Variants in PHF21A observed in about 807,000 individuals in gnomAD.
PHF21A encodes the protein BHC80a.
A neutral mutation model predicts 82.5 loss-of-function variants in PHF21A; 11 were observed. That is an observed-to-expected ratio of 0.13 (90% CI 0.08 to 0.22). The LOEUF is 0.22. PHF21A is among the 10% of genes least tolerant of loss of function. The probability of loss-of-function intolerance (pLI) is 1.00; values close to 1 mark genes in which losing one functional copy is unlikely to be tolerated. For missense variants in PHF21A, 579 were observed against 837.8 expected, an observed-to-expected ratio of 0.69 and a Z score of 3.81; for synonymous variants, 297 against 302.8, an observed-to-expected ratio of 0.98 and a Z score of 0.20.
rs1043672586 is a variant in PHF21A at position 46,026,742 on chromosome 11, C to T, written c.154-46776G>A. 6.6e-5 allele frequency: 10 copies of T among 152,130 alleles called. No individual in the cohort carries two copies. In the South Asian group the frequency reaches 8.3e-4, roughly 13 times the overall value. The allele number at this position is 152,130 out of a possible 1,614,324, so 9.4% of individuals were successfully genotyped here. ...ACCTGAGACACGTTGGCTTGGCAAT[C>T]GTTATTGTCTAACGTGCACAGATAG... is the stretch of plus-strand genomic sequence containing the variant. On this transcript the variant is annotated intron_variant, in intron 6 of 18. Transcript: ENST00000676320.
chr11:45,965,705 T>C (rs1182010549), intron 9 of PHF21A, 97 bp from the exon 10 acceptor site: 3 of 905,404 alleles, frequency 3.3e-6, no homozygotes, highest in African/African-American at 3.4e-5. Flanking sequence ...TGGTGTTTAA[T>C]ACACTTATTA....
intron 4 of PHF21A, 23 bp from the exon 5 acceptor site, chr11:46,079,189 A>G (rs775144882): frequency 1.3e-6 from 2 of 1,590,052 alleles, no homozygotes; most frequent in South Asian, 1.1e-5. Flanking sequence ...AGAGAAAAAG[A>G]GCCATCAGTC....
chr11:46,039,042 G>C (rs1472166642), intron 6 of PHF21A, among the ~76,000 whole-genome samples: 3 of 152,156 alleles, frequency 2.0e-5, no homozygotes, highest in Admixed American at 6.5e-5. Context: ...AAAATTACTG[G>C]AGCAGAGTGA....
At chr11:46,080,192 T>C (rs1224041669) in intron 4 of PHF21A, among the ~76,000 whole-genome samples, 3 of 152,160 alleles carry the variant, frequency 2.0e-5, no homozygotes, top group Non-Finnish European at 2.9e-5. Flanking sequence ...AGGGTCTTGC[T>C]CTGTCACCTA....
intron 12 of PHF21A, among the ~76,000 whole-genome samples, 188 bp from the exon 13 acceptor site, chr11:45,949,669 G>T (rs1186671921): frequency 2.0e-5 from 3 of 152,256 alleles, no homozygotes; most frequent in African/African-American, 7.2e-5. Flanking sequence ...ACTCTCACCT[G>T]CAAGACCACG....
chr11:45,953,187 C>CACAG (rs2092324668), intron 11 of PHF21A, among the ~76,000 whole-genome samples: 1 of 152,146 alleles, frequency 6.6e-6, no homozygotes, highest in Non-Finnish European at 1.5e-5. Context: ...ACAAACAGAA[C>CACAG]ACAGTAATGA....
Position 45,979,892 on chromosome 11 carries a change from T to C in PHF21A, c.228A>G (p.Pro76=). 2 of 1,614,222 alleles carry C rather than the reference T, an allele frequency of 1.2e-6. No homozygotes were observed. The highest frequency in any genetic ancestry group is 1.1e-5 in the South Asian group (1 of 91,084). ...GTAGTTTGTTTTCAGATTGTGGCAA[T>C]GGCTGTATTTGGAACTTGTCCGGTT... ...QEQPDKFQIQ[P]LPQSENKLQT... The change falls in exon 7 of 19, where the codon CCA becomes CCG. Residue 76 remains proline, a synonymous_variant. Coordinates refer to ENST00000676320, the MANE Select transcript of PHF21A (RefSeq NM_001352027.3).
rs201583561 is a variant in PHF21A at position 46,034,286 on chromosome 11, TTA to T, written c.153+42466_153+42467del. Among the ~76,000 whole-genome samples, 261 of 151,754 alleles carry T rather than the reference TTA, an allele frequency of 1.7e-3. 1 individual carries two copies. The highest frequency in any genetic ancestry group is 5.8e-3 in the African/African-American group (240 of 41,418). ...TTTCTTAGAGATTCATAAGAACTCT[TTA>T]TATGTAAGACTAATAACCCTTTGTC... On this transcript the variant is annotated intron_variant, in intron 6 of 18. Coordinates refer to ENST00000676320, the MANE Select transcript of PHF21A (RefSeq NM_001352027.3).
intron 6 of PHF21A, among the ~76,000 whole-genome samples, chr11:46,039,709 C>A (rs1022653585): frequency 2.6e-5 from 4 of 152,104 alleles, no homozygotes; most frequent in Non-Finnish European, 5.9e-5. Context: ...GTAGTAAAGA[C>A]AAAAGGTCAA....
intron 6 of PHF21A, among the ~76,000 whole-genome samples, chr11:46,034,698 C>T (rs2095953060): frequency 6.6e-6 from 1 of 152,108 alleles, no homozygotes; most frequent in Non-Finnish European, 1.5e-5. Flanking sequence ...GGGAGGCTTT[C>T]TTTTCACGTT....
At chr11:46,048,294 G>A (rs1273043125) in intron 6 of PHF21A, among the ~76,000 whole-genome samples, 2 of 152,114 alleles carry the variant, frequency 1.3e-5, no homozygotes, top group Non-Finnish European at 2.9e-5. Flanking sequence ...TACTTAGCAT[G>A]TTTTTAAGAT....
intron 6 of PHF21A, among the ~76,000 whole-genome samples, chr11:46,034,720 A>T (rs1295659924): frequency 6.6e-6 from 1 of 152,052 alleles, no homozygotes; most frequent in East Asian, 1.9e-4. Context: ...ATCCTTCCCC[A>T]AATCCACACA....
intron 5 of PHF21A, among the ~76,000 whole-genome samples, chr11:46,078,722 T>C (rs2096756709): frequency 6.6e-6 from 1 of 152,168 alleles, no homozygotes; most frequent in Non-Finnish European, 1.5e-5. Flanking sequence ...TTCAGTACTA[T>C]TCAAATGTTC....
chr11:45,998,731 C>T (rs1184275585), intron 6 of PHF21A, among the ~76,000 whole-genome samples: 5 of 151,932 alleles, frequency 3.3e-5, no homozygotes, highest in African/African-American at 7.3e-5. Flanking sequence ...AGGCTGGTCT[C>T]GAACTTCGGA....
Position 46,019,774 on chromosome 11 carries a change from C to A in PHF21A, c.154-39808G>T, listed in dbSNP as rs141555989. 4.7e-3 allele frequency among the ~76,000 whole-genome samples: 718 copies of A among 152,200 alleles called. 22 individuals are homozygous for A. The highest frequency in any genetic ancestry group is 1.4e-3 in the Non-Finnish European group (93 of 68,024). ...GCTTGACAGTTAAACAGTAGCTCTG[C>A]TCTAAAAATGATAACACAACATTGC... On this transcript the variant is annotated intron_variant, in intron 6 of 18. Transcript: ENST00000676320.
intron 7 of PHF21A, among the ~76,000 whole-genome samples, chr11:45,975,322 CAAAATAAAATAAAAT>C (rs58576083): frequency 0.033 from 3,668 of 112,148 alleles, 63 homozygotes; most frequent in East Asian, 0.051. Flanking sequence ...TCAAAGAAAA[CAAAATAAAATAAAAT>C]AAAATAAAAT....
chr11:46,109,678 CAT>C (rs538516566), intron 1 of PHF21A, among the ~76,000 whole-genome samples: 155 of 152,196 alleles, frequency 1.0e-3, no homozygotes, highest in African/African-American at 3.7e-3. Context: ...CACGTAAACA[CAT>C]GTCAAGAATT....
At chr11:46,104,822 C>T (rs7942246) in intron 1 of PHF21A, among the ~76,000 whole-genome samples, 137,321 of 152,242 alleles carry the variant, frequency 0.9, 62,094 homozygotes, top group East Asian at 1. Context: ...GTATGCAGCA[C>T]GTATGTGATA....
rs1292964215 is a variant in PHF21A at position 46,014,707 on chromosome 11, G to A, written c.154-34741C>T. Among the ~76,000 whole-genome samples the A allele has an allele frequency of 3.6e-4, 17 of 46,930 alleles. 6 individuals carry two copies. Among genetic ancestry groups the A allele is most frequent in the African/African-American group, 1.4e-3 (5 of 3,624 alleles). The allele number at this position is 46,930 out of a possible 152,430, so 30.8% of individuals were successfully genotyped here. A position where few individuals can be genotyped will look rare whatever the true frequency, so the allele number is the denominator to read the frequency against. ...AATAATAGTTATTCTGGGGCCGGGC[G>A]CGGTGGCTCACGCCTGTAATCCCAG... On this transcript the variant is annotated intron_variant, in intron 6 of 18. Coordinates refer to ENST00000676320, the MANE Select transcript of PHF21A (RefSeq NM_001352027.3).
Sources: gnomAD v4.1 joint callset for allele counts (sites outside exome capture counted in the v4.1 genomes callset) on GRCh38, gnomAD v4.1.1 for gene constraint, MANE v1.5 for transcripts, NCBI Gene and HGNC (gene_info 2026-07-23, HGNC 2026-07-21) for gene names.